The following PDE1C variants were observed in gnomAD, a reference collection of about 807,000 sequenced individuals.
PDE1C encodes dual specificity calcium/calmodulin-dependent 3',5'-cyclic nucleotide phosphodiesterase 1C.
Under a neutral mutation model 93.1 loss-of-function variants are expected in PDE1C, and 62 were observed. The observed-to-expected ratio is 0.67, with a 90% confidence interval of 0.54 to 0.82. The LOEUF is 0.82. PDE1C is among the 40% of genes least tolerant of loss of function. The pLI, the probability that PDE1C is intolerant of heterozygous loss-of-function variation, is 0.00. For synonymous variants in PDE1C, 325 were observed against 310.1 expected (o/e 1.05, Z -0.50); for missense variants, 742 against 884.6 (o/e 0.84, Z 2.04).
At chr7:31,684,713 G>A in the PDE1C span, among the ~76,000 whole-genome samples, 1 of 152,158 alleles carries the variant, frequency 6.6e-6, no homozygotes, top group Non-Finnish European at 1.5e-5. Flanking sequence ...AAACCATGAC[G>A]AGATATTACT....
At chr7:31,634,223 G>T in the PDE1C span, among the ~76,000 whole-genome samples, 1 of 152,148 alleles carries the variant, frequency 6.6e-6, no homozygotes, top group Non-Finnish European at 1.5e-5. Flanking sequence ...AATTGGGAGG[G>T]TAAAATTCAT....
rs747205460 is a variant in PDE1C at position 31,828,371 on chromosome 7, A to G, written c.1206T>C (p.Gly402=). ...MSLLEEFFRQ[G]DREAELGLPF... ...GCAGCCCCAGCTCTGCTTCTCTGTC[A>G]CCCTGGAAAAATAAAAGGTCATAGT... The change falls in exon 12 of 18, where the codon GGT becomes GGC. Residue 402 remains glycine, a splice_region_variant and synonymous_variant. Transcript: ENST00000396191. The G allele has an allele frequency of 1.9e-6, 3 of 1,611,498 alleles. No individual in the cohort carries two copies. The South Asian group carries it at 3.3e-5, about 18-fold the overall frequency.
intron 2 of PDE1C, among the ~76,000 whole-genome samples, chr7:31,953,676 T>C (rs1413441063): frequency 2.0e-5 from 3 of 152,172 alleles, no homozygotes; most frequent in Non-Finnish European, 4.4e-5. Flanking sequence ...GACAGCAGAA[T>C]TGCAGTAGAA....
intron 2 of PDE1C, among the ~76,000 whole-genome samples, chr7:32,010,775 T>C (rs1786974690): frequency 6.6e-6 from 1 of 152,196 alleles, no homozygotes; most frequent in Non-Finnish European, 1.5e-5. Flanking sequence ...CTCTTTTCCC[T>C]GGGTCTTCAC....
At chr7:32,427,578 G>C (rs1785560590) in intron 1 of PDE1C, among the ~76,000 whole-genome samples, 1 of 152,144 alleles carries the variant, frequency 6.6e-6, no homozygotes, top group Non-Finnish European at 1.5e-5. Flanking sequence ...CCGGTACTAA[G>C]CTGGGGAAAG....
In PDE1C at chr7:32,293,988, G is replaced by A. The variant is rs554172374; in HGVS notation, c.85+4663C>T. On this transcript the variant is annotated intron_variant, in intron 1 of 18. Transcript: ENST00000396193. ...TCAACCATATGCCCCAGGGGAGGCCGGGGGCCTCTCTGCCAGGGCTGGAGA... is the reference window on the plus strand; with the variant it reads ...TCAACCATATGCCCCAGGGGAGGCCAGGGGCCTCTCTGCCAGGGCTGGAGA... Among the ~76,000 whole-genome samples, 120 of 152,130 alleles carry A rather than the reference G, an allele frequency of 7.9e-4. 2 individuals are homozygous for A. Among genetic ancestry groups the A allele is most frequent in the Admixed American group, 6.2e-3 (95 of 15,284 alleles).
At chr7:31,706,075 G>C in the PDE1C span, among the ~76,000 whole-genome samples, 3 of 136,204 alleles carry the variant, frequency 2.2e-5, no homozygotes, top group East Asian at 6.7e-4. Flanking sequence ...TGTAATCTCG[G>C]CTTGCTGCAA....
intron 2 of PDE1C, among the ~76,000 whole-genome samples, chr7:31,946,940 C>G (rs551454651): frequency 1.3e-5 from 2 of 152,268 alleles, no homozygotes; most frequent in South Asian, 4.1e-4. Flanking sequence ...CTGAAGTAAA[C>G]GAGCCTTCAT....
intron 2 of PDE1C, among the ~76,000 whole-genome samples, chr7:32,009,835 A>T (rs919477015): frequency 6.6e-6 from 1 of 152,232 alleles, no homozygotes; most frequent in Admixed American, 6.5e-5. Flanking sequence ...CAGTTTAATA[A>T]GCCTTTAGGA....
the PDE1C span, among the ~76,000 whole-genome samples, chr7:31,686,291 A>T: frequency 6.6e-6 from 1 of 152,174 alleles, no homozygotes; most frequent in Non-Finnish European, 1.5e-5. Flanking sequence ...TCCAAACCCC[A>T]GTGGGCTCTC....
chr7:31,679,747 C>T, the PDE1C span, among the ~76,000 whole-genome samples: 6 of 152,178 alleles, frequency 3.9e-5, no homozygotes, highest in African/African-American at 1.4e-4. Flanking sequence ...CATCTGGTAG[C>T]TGGCATCAAT....
At chr7:32,055,238 G>A (rs1793912669) in intron 1 of PDE1C, among the ~76,000 whole-genome samples, 1 of 152,108 alleles carries the variant, frequency 6.6e-6, no homozygotes, top group African/African-American at 2.4e-5. Context: ...AATGAGCAGT[G>A]AGGACATCCA....
chr7:32,076,755 G>A (rs1796381006), intron 3 of PDE1C, among the ~76,000 whole-genome samples: 1 of 151,886 alleles, frequency 6.6e-6, no homozygotes, highest in African/African-American at 2.4e-5. Context: ...GGTCCATTGA[G>A]CCCCCTGATC....
intron 1 of PDE1C, among the ~76,000 whole-genome samples, chr7:32,212,008 A>G (rs2128844923): frequency 6.8e-6 from 1 of 148,098 alleles, no homozygotes; most frequent in African/African-American, 2.5e-5. Context: ...CCTGGGCAAC[A>G]GAACGAGAAC....
At chr7:32,132,724 T>C (rs1799988369) in intron 3 of PDE1C, among the ~76,000 whole-genome samples, 1 of 152,010 alleles carries the variant, frequency 6.6e-6, no homozygotes, top group African/African-American at 2.4e-5. Flanking sequence ...CCCAGAAAAT[T>C]GTTGGGGGCA....
At chr7:32,272,261 T>A (rs1811021124) in intron 1 of PDE1C, among the ~76,000 whole-genome samples, 1 of 152,236 alleles carries the variant, frequency 6.6e-6, no homozygotes, top group Non-Finnish European at 1.5e-5. Context: ...CAACCCAGCT[T>A]GACTGGCCTG....
chr7:31,967,084 G>A (rs1450968015), intron 2 of PDE1C, among the ~76,000 whole-genome samples: 2 of 152,078 alleles, frequency 1.3e-5, no homozygotes, highest in Non-Finnish European at 2.9e-5. Flanking sequence ...TCAAAAGCTA[G>A]CAGAAGGCAA....
At chr7:31,992,024 G>A (rs1278969396) in intron 2 of PDE1C, among the ~76,000 whole-genome samples, 1 of 152,214 alleles carries the variant, frequency 6.6e-6, no homozygotes, top group Non-Finnish European at 1.5e-5. Flanking sequence ...GGGAGAGGGA[G>A]GCTTCTGTTT....
chr7:32,305,579 G>C (rs1812977994), intron 1 of PDE1C, among the ~76,000 whole-genome samples: 1 of 152,182 alleles, frequency 6.6e-6, no homozygotes, highest in South Asian at 2.1e-4. Flanking sequence ...CCTTCCTCCA[G>C]AGTTTCCCTT....
Sources: gnomAD v4.1 joint callset for allele counts (sites outside exome capture counted in the v4.1 genomes callset) on GRCh38, gnomAD v4.1.1 for gene constraint, MANE v1.5 for transcripts, NCBI Gene and HGNC (gene_info 2026-07-23, HGNC 2026-07-21) for gene names.